Variants in GPR153 observed in about 807,000 individuals in gnomAD.
The protein encoded by GPR153 is G protein-coupled receptor 153.
GPR153 carries 27 observed loss-of-function variants against 34.1 expected under a neutral mutation model. The ratio of observed to expected loss-of-function variants is 0.79; its 90% CI spans 0.58 to 1.09. GPR153 has a LOEUF of 1.09. Ranked by LOEUF, GPR153 falls within the 50% of genes least tolerant of loss-of-function variation. The probability of loss-of-function intolerance (pLI) is 0.00; values close to 1 mark genes in which losing one functional copy is unlikely to be tolerated. For synonymous variants in GPR153, 408 were observed against 405.4 expected, an observed-to-expected ratio of 1.01 and a Z score of -0.08; for missense variants, 848 against 860.2, an observed-to-expected ratio of 0.99 and a Z score of 0.18.
Position 6,249,916 on chromosome 1 carries a change from C to T in GPR153, c.1252G>A (p.Gly418Ser). Residue 418 changes from glycine to serine, a missense_variant, in exon 6 of 6, where the codon GGC (glycine) becomes AGC (serine). By Grantham distance (56) the Gly-to-Ser change is moderately conservative. Coordinates refer to ENST00000377893, the MANE Select transcript of GPR153 (RefSeq NM_207370.4). This position sits in a 1 kb window ranked among gnomAD's most constrained non-coding sequence, Gnocchi z 4.3. ...TGCGCCAGGGCGGCCAGGTCCTCGCCGGAGCCCCAGCGCGGCAGGAAGGCG... is the reference window on the plus strand; with the variant it reads ...TGCGCCAGGGCGGCCAGGTCCTCGCTGGAGCCCCAGCGCGGCAGGAAGGCG... ...LPAFLPRWGSGEDLAALAHLV... is the reference protein window; with the variant it reads ...LPAFLPRWGSSEDLAALAHLV... 1.6e-6 allele frequency: 2 copies of T among 1,287,332 alleles called. No homozygotes were observed. The highest frequency in any genetic ancestry group is 9.9e-7 in the Non-Finnish European group (1 of 1,013,296). The allele number at this position is 1,287,332 out of a possible 1,614,324, so 79.7% of individuals were successfully genotyped here.
Position 6,251,478 on chromosome 1 carries a change from A to C in GPR153, c.839T>G (p.Leu280Arg). ...RADASAPWMA[L>R]CVLWCSVAQA... Reference sequence around the variant, plus strand: ...GGCCACGGAGCACCACAGCACGCAGAGTGCCATCCAGGGCGCTGAGGCGTC... The same window carrying C: ...GGCCACGGAGCACCACAGCACGCAGCGTGCCATCCAGGGCGCTGAGGCGTC... The change falls in exon 4 of 6, where the codon CTC (leucine) becomes CGC (arginine). Residue 280 changes from leucine (L) to arginine (R), a missense_variant. Leu to Arg is a moderately radical substitution (Grantham distance 102). Coordinates refer to ENST00000377893, the MANE Select transcript of GPR153 (RefSeq NM_207370.4). The surrounding 1 kb of genome is among the most constrained non-coding windows in gnomAD (Gnocchi z 4.9). 2 of 1,612,720 alleles carry C rather than the reference A, an allele frequency of 1.2e-6. No individual in the cohort carries two copies. The highest frequency in any genetic ancestry group is 1.7e-6 in the Non-Finnish European group (2 of 1,179,830).
chr1:6,260,378 C>CG (rs1638645927), intron 1 of GPR153, among the ~76,000 whole-genome samples: 2 of 40,068 alleles, frequency 5.0e-5, no homozygotes, highest in Admixed American at 4.7e-4. Context: ...GGCTCCGATC[C>CG]CCCCCCCCCC....
At position 6,251,413 on chromosome 1, in the gene GPR153, G is replaced by A. The variant is rs764688053; in HGVS notation, c.904C>T (p.Arg302Cys). ...LLPVFLWACD[R>C]YRADLKAVRE... The stretch of plus-strand genomic sequence containing the variant: ...ACAGCTTTGAGGTCAGCCCGGTAGC[G>A]GTCGCAGGCCCAGAGGAACACAGGC... Residue 302 changes from arginine (R) to cysteine (C), a missense_variant, in exon 4 of 6, where the codon CGC becomes TGC. Coordinates refer to ENST00000377893, the MANE Select transcript of GPR153 (RefSeq NM_207370.4). This position sits in a 1 kb window ranked among gnomAD's most constrained non-coding sequence, Gnocchi z 4.9. The A allele has an allele frequency of 5.8e-5, 93 of 1,613,488 alleles. No homozygotes were observed. Among genetic ancestry groups the A allele is most frequent in the East Asian group, 8.9e-5 (4 of 44,898 alleles).
chr1:6,252,814 G>A (rs944102257), intron 3 of GPR153, among the ~76,000 whole-genome samples: 5 of 152,052 alleles, frequency 3.3e-5, no homozygotes, highest in Admixed American at 1.3e-4. Context: ...TTCATTCTTG[G>A]GCCAAGCTGG....
At chr1:6,252,751 G>A (rs113751207) in intron 3 of GPR153, among the ~76,000 whole-genome samples, 68 of 152,254 alleles carry the variant, frequency 4.5e-4, no homozygotes, top group African/African-American at 1.5e-3. Flanking sequence ...CAGACCTTTC[G>A]GGGATGGGCG....
rs1571241657 is a variant in GPR153 at position 6,254,927 on chromosome 1, G to A, written c.-22C>T. The A allele has an allele frequency of 6.6e-7, 1 of 1,505,540 alleles. No homozygotes were observed. Among genetic ancestry groups the A allele is most frequent in the East Asian group, 2.3e-5 (1 of 43,078 alleles). 93.3% of individuals were successfully genotyped at this position (1,505,540 alleles called of 1,614,324 possible). On this transcript the variant is annotated 5_prime_UTR_variant, in exon 2 of 6. Transcript: ENST00000377893. ...TCATGGTGCAGACCGGAGCTGGCAG[G>A]CGGCTGTGGCATCCTCCTTGGAGCC...
At chr1:6,252,116 GCT>G (rs1205255419) in intron 3 of GPR153, among the ~76,000 whole-genome samples, 1 of 152,182 alleles carries the variant, frequency 6.6e-6, no homozygotes, top group African/African-American at 2.4e-5. Flanking sequence ...AGCCCTCGTT[GCT>G]CTGTCCCAAA....
At chr1:6,260,624 G>A (rs1335312953) in intron 1 of GPR153, among the ~76,000 whole-genome samples, 1 of 151,896 alleles carries the variant, frequency 6.6e-6, no homozygotes, top group Non-Finnish European at 1.5e-5. Flanking sequence ...CCGATGCAGG[G>A]GGACGGAGGG....
rs937134197 is a variant in GPR153, at chr1:6,248,841, T to G, written c.*497A>C. 1 of 152,672 alleles carries G rather than the reference T, an allele frequency of 6.5e-6. No individual in the cohort carries two copies. The highest frequency in any genetic ancestry group is 2.4e-5 in the African/African-American group (1 of 41,308). 9.5% of individuals were successfully genotyped at this position (152,672 alleles called of 1,614,324 possible). On this transcript the variant is annotated 3_prime_UTR_variant, in exon 6 of 6. Transcript: ENST00000377893. The stretch of plus-strand genomic sequence containing the variant: ...CTTGTTCGGGCTCTGAACACCCCTG[T>G]GCTTAGAGACCCTCTGTACCCTCCC...
intron 1 of GPR153, among the ~76,000 whole-genome samples, chr1:6,258,722 A>G (rs1571244582): frequency 6.6e-6 from 1 of 152,170 alleles, no homozygotes; most frequent in Admixed American, 6.5e-5. Flanking sequence ...ATCTATTTCT[A>G]CCTGCCCAAG....
At chr1:6,256,175 A>G (rs557994698) in intron 1 of GPR153, among the ~76,000 whole-genome samples, 16 of 152,224 alleles carry the variant, frequency 1.1e-4, no homozygotes, top group South Asian at 1.0e-3. Flanking sequence ...GTTCTCTCTC[A>G]AGGAGCTTTC....
intron 1 of GPR153, among the ~76,000 whole-genome samples, chr1:6,260,274 C>G (rs956810821): frequency 2.6e-5 from 4 of 152,000 alleles, no homozygotes; most frequent in Non-Finnish European, 5.9e-5. Context: ...GGGGCCCGGC[C>G]TGGCCGTCGC....
intron 1 of GPR153, among the ~76,000 whole-genome samples, chr1:6,258,896 C>T (rs1638616394): frequency 6.6e-6 from 1 of 152,228 alleles, no homozygotes; most frequent in East Asian, 1.9e-4. Flanking sequence ...CAGGCTGCAA[C>T]CAGCCCAGCC....
intron 1 of GPR153, among the ~76,000 whole-genome samples, chr1:6,259,045 G>A (rs1416398367): frequency 6.6e-6 from 1 of 152,220 alleles, no homozygotes; most frequent in East Asian, 1.9e-4. Flanking sequence ...TGGATGGCTT[G>A]AGCCCGGGAG....
intron 1 of GPR153, among the ~76,000 whole-genome samples, chr1:6,256,776 A>C (rs1358933980): frequency 2.6e-5 from 4 of 152,328 alleles, no homozygotes; most frequent in African/African-American, 9.6e-5. Flanking sequence ...AGCTGGGATT[A>C]CAGGGCAAGT....
At chr1:6,254,447 G>A (rs2100989701) in intron 2 of GPR153, 103 bp downstream of exon 2, 1 of 1,070,852 alleles carries the variant, frequency 9.3e-7, no homozygotes, top group Non-Finnish European at 1.4e-6. Context: ...CTCCCAGCAT[G>A]CCACAGGTGT....
At position 6,251,286 on chromosome 1, in the gene GPR153, T is replaced by G; in HGVS notation, c.979+52A>C. ...ACAGCCGTTTTCCTGCCAACCCCAA[T>G]GACCTAACCTAGACGCCACTCTCCC... On this transcript the variant is annotated intron_variant, in intron 4 of 5. Transcript: ENST00000377893. The surrounding 1 kb of genome is among the most constrained non-coding windows in gnomAD (Gnocchi z 4.9). 3 of 1,446,198 alleles carry G rather than the reference T, an allele frequency of 2.1e-6. No homozygotes were observed. Among genetic ancestry groups the G allele is most frequent in the Middle Eastern group, 1.8e-4 (1 of 5,522 alleles). 89.6% of individuals were successfully genotyped at this position (1,446,198 alleles called of 1,614,324 possible). A position where few individuals can be genotyped will look rare whatever the true frequency, so the allele number is the denominator to read the frequency against.
Position 6,249,481 on chromosome 1 carries a change from G to A in GPR153, c.1687C>T (p.Pro563Ser). 2 of 1,294,728 alleles carry A rather than the reference G, an allele frequency of 1.5e-6. No homozygotes were observed. Among genetic ancestry groups the A allele is most frequent in the Non-Finnish European group, 1.9e-6 (2 of 1,027,624 alleles). 80.2% of individuals were successfully genotyped at this position (1,294,728 alleles called of 1,614,324 possible). ...SAHSHAGSLRPGLSASWGEPG... is the reference protein window; with the variant it reads ...SAHSHAGSLRSGLSASWGEPG... ...TCGCCCCACGACGCGCTCAGGCCGG[G>A]GCGCAGAGAGCCGGCGTGCGAGTGC... Residue 563 changes from proline to serine, a missense_variant, in exon 6 of 6, where the codon CCC (proline) becomes TCC (serine). Physicochemically the swap from Pro to Ser is moderately conservative, Grantham distance 74 (BLOSUM62 -1). Transcript: ENST00000377893. This position sits in a 1 kb window ranked among gnomAD's most constrained non-coding sequence, Gnocchi z 4.3.
rs1638406384 is a variant in GPR153 at position 6,250,043 on chromosome 1, C to T, written c.1165-40G>A. On this transcript the variant is annotated intron_variant, in intron 5 of 5. Transcript: ENST00000377893. Reference sequence around the variant, plus strand: ...CTGGCTTTTACCCCGAGCTGCCCTCCTGGGAAACGGGGACAAACCCTTCTC... The same window carrying T: ...CTGGCTTTTACCCCGAGCTGCCCTCTTGGGAAACGGGGACAAACCCTTCTC... 8 of 1,257,940 alleles carry T rather than the reference C, an allele frequency of 6.4e-6. No homozygotes were observed. In the South Asian group the frequency reaches 1.1e-4, roughly 18 times the overall value. 77.9% of individuals were successfully genotyped at this position (1,257,940 alleles called of 1,614,324 possible). A position where few individuals can be genotyped will look rare whatever the true frequency, so the allele number is the denominator to read the frequency against.
Sources: allele counts gnomAD v4.1 joint callset (sites outside exome capture counted in the v4.1 genomes callset), GRCh38; gene constraint gnomAD v4.1.1; non-coding constraint Gnocchi (gnomAD v3.1); transcripts MANE v1.5; gene names NCBI Gene and HGNC (gene_info 2026-07-23, HGNC 2026-07-21).